Variants in CSMD1 observed in about 807,000 individuals in gnomAD.
CSMD1 encodes CUB and sushi domain-containing protein 1.
Under a neutral mutation model 417.5 loss-of-function variants are expected in CSMD1, and 213 were observed. The observed-to-expected ratio is 0.51, with a 90% confidence interval of 0.46 to 0.57. The LOEUF is 0.57. Among genes scored for constraint, CSMD1 ranks in the 20% least tolerant of loss-of-function variants. The probability of loss-of-function intolerance (pLI) is 0.00; values close to 1 mark genes in which losing one functional copy is unlikely to be tolerated. For synonymous variants in CSMD1, 2,862 were observed against 1,736.8 expected, an observed-to-expected ratio of 1.65 and a Z score of -16.11; for missense variants, 6,923 against 4,529.7, an observed-to-expected ratio of 1.53 and a Z score of -15.17.
chr8:4,060,706 C>T (rs1042396794), intron 3 of CSMD1, among the ~76,000 whole-genome samples: 1 of 152,066 alleles, frequency 6.6e-6, no homozygotes, highest in African/African-American at 2.4e-5. Context: ...TGCTCCTCCA[C>T]ATGGGAATTT....
At chr8:4,184,484 G>A (rs1011040783) in intron 3 of CSMD1, among the ~76,000 whole-genome samples, 2 of 152,102 alleles carry the variant, frequency 1.3e-5, no homozygotes, top group Non-Finnish European at 2.9e-5. Context: ...ATGGCAGACT[G>A]GATAAAGAAA....
intron 1 of CSMD1, among the ~76,000 whole-genome samples, chr8:4,912,233 G>C (rs1805737408): frequency 2.0e-5 from 3 of 151,906 alleles, no homozygotes; most frequent in Non-Finnish European, 4.4e-5. Context: ...CCTGCTTCCA[G>C]AGCTACCACT....
intron 3 of CSMD1, among the ~76,000 whole-genome samples, chr8:4,057,673 C>G (rs184931624): frequency 0.02 from 3,018 of 151,488 alleles, 115 homozygotes; most frequent in African/African-American, 0.068. Flanking sequence ...TTAGGTGTAA[C>G]GTTTAAGTCT....
chr8:3,897,785 C>A (rs981965804), intron 5 of CSMD1, among the ~76,000 whole-genome samples: 1 of 152,108 alleles, frequency 6.6e-6, no homozygotes, highest in Non-Finnish European at 1.5e-5. Context: ...TTCCTTTGGC[C>A]CAGATGGGCT....
At chr8:4,904,617 G>T (rs573109609) in intron 1 of CSMD1, among the ~76,000 whole-genome samples, 4 of 152,128 alleles carry the variant, frequency 2.6e-5, no homozygotes, top group African/African-American at 4.8e-5. Flanking sequence ...AGTGAGCCAG[G>T]GAGCGCCCAA....
chr8:4,283,104 A>C (rs972876463), intron 3 of CSMD1, among the ~76,000 whole-genome samples: 1 of 152,222 alleles, frequency 6.6e-6, no homozygotes, highest in Non-Finnish European at 1.5e-5. Flanking sequence ...AGCAGACTTT[A>C]GAAATTACTA....
chr8:4,225,503 C>CA (rs1801293374), intron 3 of CSMD1, among the ~76,000 whole-genome samples: 1 of 141,720 alleles, frequency 7.1e-6, no homozygotes, highest in Non-Finnish European at 1.5e-5. Flanking sequence ...CAACTCATCA[C>CA]TTTTTTTTTT....
chr8:3,644,102 G>C (rs1797453117), intron 7 of CSMD1, among the ~76,000 whole-genome samples: 1 of 152,138 alleles, frequency 6.6e-6, no homozygotes, highest in South Asian at 2.1e-4. Flanking sequence ...TTCTACACCA[G>C]AAACATCACC....
At chr8:3,875,482 G>A (rs905174321) in intron 5 of CSMD1, among the ~76,000 whole-genome samples, 6 of 152,212 alleles carry the variant, frequency 3.9e-5, no homozygotes, top group East Asian at 1.9e-4. Context: ...ACTGGGTTCC[G>A]AGGGTCACTG....
intron 12 of CSMD1, among the ~76,000 whole-genome samples, chr8:3,413,828 T>G (rs1003831581): frequency 6.6e-6 from 1 of 152,082 alleles, no homozygotes; most frequent in Non-Finnish European, 1.5e-5. Context: ...GAGACGATTT[T>G]AACACATTTT....
At chr8:4,544,776 C>T (rs1355979211) in intron 2 of CSMD1, among the ~76,000 whole-genome samples, 1 of 152,170 alleles carries the variant, frequency 6.6e-6, no homozygotes, top group Non-Finnish European at 1.5e-5. Context: ...GGCAGCACTG[C>T]TGTTCACTTA....
intron 1 of CSMD1, among the ~76,000 whole-genome samples, chr8:4,963,951 A>G (rs1002659893): frequency 6.6e-6 from 1 of 152,180 alleles, no homozygotes; most frequent in Non-Finnish European, 1.5e-5. Context: ...CTGATTTCAT[A>G]CCAAATACTC....
intron 2 of CSMD1, among the ~76,000 whole-genome samples, chr8:4,522,298 G>T (rs1047672523): frequency 1.3e-5 from 2 of 152,156 alleles, no homozygotes; most frequent in Non-Finnish European, 2.9e-5. Flanking sequence ...CCATAATTGT[G>T]AGGCCTCCCC....
intron 18 of CSMD1, among the ~76,000 whole-genome samples, chr8:3,379,794 C>A (rs180943657): frequency 2.8e-3 from 420 of 152,152 alleles, no homozygotes; most frequent in African/African-American, 9.7e-3. Flanking sequence ...CCATAAAAAC[C>A]CTAGAAGAAA....
intron 5 of CSMD1, among the ~76,000 whole-genome samples, chr8:3,949,765 C>G (rs1811484043): frequency 6.6e-6 from 1 of 152,232 alleles, no homozygotes; most frequent in South Asian, 2.1e-4. Flanking sequence ...AAGAAGCGCA[C>G]AAGACAGCCA....
rs188897957 is a variant in CSMD1, at chr8:4,788,625, A to G, written c.86-151067T>C. The G allele has an allele frequency of 5.1e-4, 434 of 849,482 alleles. 3 individuals are homozygous for G. The East Asian group carries it at 6.0e-3, about 12-fold the overall frequency. 52.6% of individuals were successfully genotyped at this position (849,482 alleles called of 1,614,324 possible). On this transcript the variant is annotated intron_variant, in intron 1 of 69. Coordinates refer to ENST00000635120, the MANE Select transcript of CSMD1 (RefSeq NM_033225.6). ...TTGAAATTTTTAGGGGAAAAACTAC[A>G]AATTTCTAATTTAGCTGAAGGAAAA...
In CSMD1 at chr8:3,673,920, C is replaced by T. The variant is rs150167874; in HGVS notation, c.1009+34494G>A. Among the ~76,000 whole-genome samples the T allele has an allele frequency of 4.0e-3, 601 of 152,138 alleles. 4 individuals are homozygous for T. Among genetic ancestry groups the T allele is most frequent in the African/African-American group, 0.01 (424 of 41,474 alleles). On this transcript the variant is annotated intron_variant, in intron 7 of 69. Coordinates refer to ENST00000635120, the MANE Select transcript of CSMD1 (RefSeq NM_033225.6). ...AATGCTTGAGCTCAGCAGTTTCAGACGAGCCTGGGCAACATGGCACAATCA... is the reference window on the plus strand; with the variant it reads ...AATGCTTGAGCTCAGCAGTTTCAGATGAGCCTGGGCAACATGGCACAATCA...
chr8:4,886,229 A>G (rs1443146472), intron 1 of CSMD1, among the ~76,000 whole-genome samples: 1 of 152,008 alleles, frequency 6.6e-6, no homozygotes, highest in Non-Finnish European at 1.5e-5. Context: ...GACCTCAAGC[A>G]AACCACTGCC....
At position 4,853,792 on chromosome 8, in the gene CSMD1, C is replaced by G. The variant is rs60197657; in HGVS notation, c.85+140540G>C. ...CACATGAAAGCAGCCACACTGCACC[C>G]CACAAAGCCACAGTGGACCTGACCA... On this transcript the variant is annotated intron_variant, in intron 1 of 69. Transcript: ENST00000635120. Among the ~76,000 whole-genome samples the G allele has an allele frequency of 7.6e-3, 1,150 of 152,274 alleles. 11 individuals are homozygous for G. The highest frequency in any genetic ancestry group is 0.027 in the African/African-American group (1,114 of 41,552).
Sources: allele counts gnomAD v4.1 joint callset (sites outside exome capture counted in the v4.1 genomes callset), GRCh38; gene constraint gnomAD v4.1.1; transcripts MANE v1.5; gene names NCBI Gene and HGNC (gene_info 2026-07-23, HGNC 2026-07-21).